The following GMPS variants were observed in gnomAD, a reference collection of about 807,000 sequenced individuals.
The protein encoded by GMPS is GMP synthase [glutamine-hydrolyzing].
Under a neutral mutation model 77.9 loss-of-function variants are expected in GMPS, and 15 were observed. That is an observed-to-expected ratio of 0.19 (90% CI 0.13 to 0.30). The LOEUF is 0.30. Among genes scored for constraint, GMPS ranks in the 10% least tolerant of loss-of-function variants. The pLI is 1.00. For synonymous variants in GMPS, 224 were observed against 275.9 expected (o/e 0.81, Z 1.86); for missense variants, 590 against 838.8 (o/e 0.70, Z 3.66).
chr3:155,923,700 C>T (rs1327384726), intron 11 of GMPS, among the ~76,000 whole-genome samples: 2 of 152,196 alleles, frequency 1.3e-5, no homozygotes, highest in African/African-American at 4.8e-5. Context: ...TACCAACAGT[C>T]CCTTACTGAA....
At position 155,943,089 on chromosome 3, in the gene GMPS, G is replaced by A. The variant is rs975067702; in HGVS notation, c.*5397G>A. 1.1e-5 allele frequency: 2 copies of A among 175,964 alleles called. No homozygotes were observed. The highest frequency in any genetic ancestry group is 2.4e-5 in the Non-Finnish European group (2 of 81,834). 10.9% of individuals were successfully genotyped at this position (175,964 alleles called of 1,614,324 possible). A position where few individuals can be genotyped will look rare whatever the true frequency, so the allele number is the denominator to read the frequency against. Reference sequence around the variant, plus strand: ...CTACTAAAAATGTAAAAATTAGCTGGGCTTGGTGGCGCGCGCCTGTAATCC... The same window carrying A: ...CTACTAAAAATGTAAAAATTAGCTGAGCTTGGTGGCGCGCGCCTGTAATCC... On this transcript the variant is annotated 3_prime_UTR_variant, in exon 16 of 16. Transcript: ENST00000496455.
chr3:155,916,972 C>G (rs543901510), intron 9 of GMPS, among the ~76,000 whole-genome samples: 1 of 149,200 alleles, frequency 6.7e-6, no homozygotes, highest in South Asian at 2.2e-4. Flanking sequence ...ACCATCTTAA[C>G]TCTGATTTTT....
rs147683567 is a variant in GMPS at position 155,882,537 on chromosome 3, G to C, written c.28-10981G>C. The stretch of plus-strand genomic sequence containing the variant: ...TAATGGTTTTAATAGCCACCGTTCA[G>C]TGCTTATCAAACATCTGCAATGAAG... On this transcript the variant is annotated intron_variant, in intron 1 of 15. Coordinates refer to ENST00000496455, the MANE Select transcript of GMPS (RefSeq NM_003875.3). Among the ~76,000 whole-genome samples, 3 of 152,298 alleles carry C rather than the reference G, an allele frequency of 2.0e-5. No individual in the cohort carries two copies. In the East Asian group the frequency reaches 5.8e-4, roughly 29 times the overall value.
intron 1 of GMPS, among the ~76,000 whole-genome samples, chr3:155,876,432 T>C (rs1170483769): frequency 6.6e-6 from 1 of 152,218 alleles, no homozygotes; most frequent in Non-Finnish European, 1.5e-5. Flanking sequence ...AAGTTAAAAA[T>C]GAGAACTGTT....
At chr3:155,931,683 T>TTTAA (rs745576751) in intron 12 of GMPS, 82 bp from the exon 13 acceptor site, 6,070 of 398,024 alleles carry the variant, frequency 0.015, 113 homozygotes, top group East Asian at 0.059. Flanking sequence ...CTTTTTTTTT[T>TTTAA]AAAAAAAAAA....
chr3:155,874,905 T>G (rs961257834), intron 1 of GMPS, among the ~76,000 whole-genome samples: 2 of 137,872 alleles, frequency 1.5e-5, no homozygotes, highest in Non-Finnish European at 3.1e-5. Context: ...TGTTTTCTTT[T>G]TTTTTTTTTT....
chr3:155,925,260 G>C lies in GMPS; in HGVS notation c.1454G>C (p.Arg485Thr), dbSNP rs2108130762. 1 of 1,613,236 alleles carries C rather than the reference G, an allele frequency of 6.2e-7. No homozygotes were observed. The highest frequency in any genetic ancestry group is 8.5e-7 in the Non-Finnish European group (1 of 1,179,420). Residue 485 changes from arginine (R) to threonine (T), a missense_variant, in exon 12 of 16, where the codon AGA (arginine) becomes ACA (threonine). This residue lies in a region of GMPS where 89 missense variants were observed against 95.9 expected (regional missense o/e 0.93). Transcript: ENST00000496455. ...TCTCAGCCACATACCCTATTACAGA[G>C]AGTCAAAGCCTGCACAACAGAAGAG... ...SVKKPHTLLQ[R>T]VKACTTEEDQ...
chr3:155,905,178 T>G (rs952983078), intron 4 of GMPS, among the ~76,000 whole-genome samples: 7 of 151,974 alleles, frequency 4.6e-5, no homozygotes, highest in Non-Finnish European at 8.8e-5. Flanking sequence ...AAATTTTTTG[T>G]GTTTTTAGTA....
chr3:155,878,192 A>G (rs1405653061), intron 1 of GMPS, among the ~76,000 whole-genome samples: 3 of 152,206 alleles, frequency 2.0e-5, no homozygotes, highest in African/African-American at 4.8e-5. Flanking sequence ...AGGTTTCAAC[A>G]TATGAATTTT....
chr3:155,919,119 A>T (rs1755256722), intron 9 of GMPS, 114 bp from the exon 10 acceptor site: 2 of 570,794 alleles, frequency 3.5e-6, no homozygotes, highest in African/African-American at 3.7e-5. Flanking sequence ...TTTTAGTAAT[A>T]ATCTGTTAGT....
chr3:155,906,290 T>C, intron 5 of GMPS, 27 bp downstream of exon 5: 1 of 1,435,532 alleles, frequency 7.0e-7, no homozygotes, highest in South Asian at 1.2e-5. Context: ...TTTTGCAGAG[T>C]TCATTTAAAA....
At chr3:155,886,200 G>T (rs1049383188) in intron 1 of GMPS, among the ~76,000 whole-genome samples, 1 of 151,970 alleles carries the variant, frequency 6.6e-6, no homozygotes, top group African/African-American at 2.4e-5. Flanking sequence ...GGAATAATAA[G>T]TTGCTACACT....
At chr3:155,883,254 T>G (rs1192768788) in intron 1 of GMPS, among the ~76,000 whole-genome samples, 1 of 152,086 alleles carries the variant, frequency 6.6e-6, no homozygotes, top group Admixed American at 6.5e-5. Flanking sequence ...TTTGTATTTT[T>G]AGTAGAGATG....
intron 7 of GMPS, among the ~76,000 whole-genome samples, chr3:155,913,380 A>C (rs888690094): frequency 1.2e-4 from 19 of 152,320 alleles, no homozygotes; most frequent in African/African-American, 4.6e-4. Context: ...TATTAGTTTT[A>C]CAAGACACTA....
intron 2 of GMPS, among the ~76,000 whole-genome samples, chr3:155,896,797 A>C (rs1305905327): frequency 6.7e-6 from 1 of 149,576 alleles, no homozygotes; most frequent in Non-Finnish European, 1.5e-5. Context: ...TGTATTATAA[A>C]TCTAGCAATA....
chr3:155,937,846 T>C lies in GMPS; in HGVS notation c.*154T>C. The C allele has an allele frequency of 1.7e-6, 1 of 581,686 alleles. No homozygotes were observed. The highest frequency in any genetic ancestry group is 3.0e-6 in the Non-Finnish European group (1 of 328,240). 36.0% of individuals were successfully genotyped at this position (581,686 alleles called of 1,614,324 possible). A position where few individuals can be genotyped will look rare whatever the true frequency, so the allele number is the denominator to read the frequency against. On this transcript the variant is annotated 3_prime_UTR_variant, in exon 16 of 16. Transcript: ENST00000496455. The stretch of plus-strand genomic sequence containing the variant: ...AAAATCTACGGCTTAAGAGCTGAGT[T>C]GGGGATAACCAAAAGGGACTGAAGA...
In GMPS at chr3:155,870,906, G is replaced by C; in HGVS notation, c.27+9G>C. On this transcript the variant is annotated intron_variant, in intron 1 of 15. Coordinates refer to ENST00000496455, the MANE Select transcript of GMPS (RefSeq NM_003875.3). Reference sequence around the variant, plus strand: ...GCAACGGAGACTCCAAGGTCAGCGTGGGGGTCCCTGCAGCACCGCATCCCG... The same window carrying C: ...GCAACGGAGACTCCAAGGTCAGCGTCGGGGTCCCTGCAGCACCGCATCCCG... 1 of 1,499,956 alleles carries C rather than the reference G, an allele frequency of 6.7e-7. No homozygotes were observed. The highest frequency in any genetic ancestry group is 2.9e-5 in the East Asian group (1 of 34,802). 92.9% of individuals were successfully genotyped at this position (1,499,956 alleles called of 1,614,324 possible).
chr3:155,901,650 T>C (rs1372373001), intron 3 of GMPS, among the ~76,000 whole-genome samples: 1 of 151,498 alleles, frequency 6.6e-6, no homozygotes, highest in East Asian at 1.9e-4. Context: ...TTGACATGAT[T>C]AGATTTTTTT....
chr3:155,937,154 T>C (rs1755784625), intron 15 of GMPS, among the ~76,000 whole-genome samples: 1 of 152,240 alleles, frequency 6.6e-6, no homozygotes, highest in Non-Finnish European at 1.5e-5. Context: ...GTATACTTGA[T>C]AATGATTATT....
Sources: gnomAD v4.1 joint callset for allele counts (sites outside exome capture counted in the v4.1 genomes callset) on GRCh38, gnomAD v4.1.1 for gene constraint, gnomAD v4.1.1 regional missense constraint, MANE v1.5 for transcripts, NCBI Gene and HGNC (gene_info 2026-07-23, HGNC 2026-07-21) for gene names.